Variants in RBM45 observed in about 807,000 individuals in gnomAD.
RBM45 encodes RNA binding motif protein 45.
Under a neutral mutation model 58.5 loss-of-function variants are expected in RBM45, and 39 were observed. The observed-to-expected ratio is 0.67, with a 90% CI of 0.52 to 0.87. The LOEUF is 0.87. RBM45 is among the 40% of genes least tolerant of loss of function. The pLI is 0.00. For missense variants in RBM45, 481 were observed against 581.6 expected (o/e 0.83, Z 1.78); for synonymous variants, 193 against 203.0 (o/e 0.95, Z 0.42).
chr2:178,120,975 T>C (rs1220783696), intron 4 of RBM45: 1 of 382,970 alleles, frequency 2.6e-6, no homozygotes, highest in Non-Finnish European at 4.6e-6. Flanking sequence ...TTTCTTCTTA[T>C]ATTTCTGCAT....
chr2:178,130,641 T>C (rs536066571), downstream of RBM45, among the ~76,000 whole-genome samples: 5 of 152,066 alleles, frequency 3.3e-5, no homozygotes, highest in East Asian at 1.9e-4. Flanking sequence ...ATAAAAAAGG[T>C]ATATCTAAAT....
chr2:178,123,540 A>G lies in RBM45; in HGVS notation c.872A>G (p.Tyr291Cys). The change falls in exon 6 of 10, where the codon TAT becomes TGT. Residue 291 changes from tyrosine (Y) to cysteine (C), a missense_variant. Coordinates refer to ENST00000286070, the MANE Select transcript of RBM45 (RefSeq NM_152945.4). ...ATTTTAGGTCATGGAGTGGTTCAGT[A>G]TTTTAATGTAGCATCAGCTATTTAT... ...YSNYGHGVVQ[Y>C]FNVASAIYAK... 6.3e-7 allele frequency: 1 copy of G among 1,596,008 alleles called. No individual in the cohort carries two copies.
chr2:178,134,473 G>C (rs2088028955), downstream of RBM45, among the ~76,000 whole-genome samples: 1 of 151,712 alleles, frequency 6.6e-6, no homozygotes, highest in South Asian at 2.1e-4. Flanking sequence ...TAATTTTTTT[G>C]CTCATATATT....
chr2:178,112,597 G>C lies in RBM45; in HGVS notation c.51G>C (p.Val17=). ...SASGGGFRPG[V]DSLDEPPNSR... is the part of the protein sequence containing the mutation. ...GCGGCGGGGGCTTCCGCCCGGGCGT[G>C]GACAGCCTGGACGAACCGCCCAACA... The change falls in exon 1 of 10, where the codon GTG becomes GTC. Residue 17 remains valine, a synonymous_variant. Transcript: ENST00000286070. 1 of 1,613,322 alleles carries C rather than the reference G, an allele frequency of 6.2e-7. No individual in the cohort carries two copies. Among genetic ancestry groups the C allele is most frequent in the Non-Finnish European group, 8.5e-7 (1 of 1,179,946 alleles).
At chr2:178,120,484 G>A in intron 4 of RBM45, 75 bp downstream of exon 4, 1 of 1,297,686 alleles carries the variant, frequency 7.7e-7, no homozygotes, top group Non-Finnish European at 1.0e-6. Context: ...AGAATACTCT[G>A]TTATTGGGCA....
exon 4 of RBM45, chr2:178,138,155 A>G (rs1046426880): frequency 3.3e-5 from 5 of 152,204 alleles, no homozygotes; most frequent in Non-Finnish European, 7.3e-5. Context: ...ATGAGTCCAC[A>G]AAGCGAAGAT....
downstream of RBM45, among the ~76,000 whole-genome samples, chr2:178,134,089 G>A (rs1215825973): frequency 6.6e-6 from 1 of 152,136 alleles, no homozygotes; most frequent in Non-Finnish European, 1.5e-5. Context: ...GTAATTATCA[G>A]AGAAAAAGGG....
chr2:178,117,550 T>TA (rs2087792877), intron 2 of RBM45, among the ~76,000 whole-genome samples: 1 of 152,234 alleles, frequency 6.6e-6, no homozygotes, highest in Non-Finnish European at 1.5e-5. Flanking sequence ...ATGTTCCTGT[T>TA]AGAAGACAGA....
At position 178,116,340 on chromosome 2, in the gene RBM45, A is replaced by T. The variant is rs1230119173; in HGVS notation, c.379A>T (p.Ile127Leu). The T allele has an allele frequency of 6.2e-7, 1 of 1,612,774 alleles. No individual in the cohort carries two copies. The highest frequency in any genetic ancestry group is 8.5e-7 in the Non-Finnish European group (1 of 1,179,638). The change falls in exon 2 of 10, where the codon ATA (isoleucine) becomes TTA (leucine). Residue 127 changes from isoleucine to leucine, a missense_variant. Ile to Leu is a conservative substitution (Grantham distance 5). Coordinates refer to ENST00000286070, the MANE Select transcript of RBM45 (RefSeq NM_152945.4). Reference protein sequence around the residue: ...DEELTRIFVMIPKSYTEEDLR... With the variant: ...DEELTRIFVMLPKSYTEEDLR... ...AGAACTTACAAGAATCTTTGTTATG[A>T]TACCAAAGTCCTACACAGAAGAAGA...
chr2:178,120,897 A>G lies in RBM45; in HGVS notation c.674-283A>G, dbSNP rs573555604. ...TGAATGTTATTTGACGTAAACATTC[A>G]GGTAAAATACTTACCATATTTTTCA... On this transcript the variant is annotated intron_variant, in intron 4 of 9. Coordinates refer to ENST00000286070, the MANE Select transcript of RBM45 (RefSeq NM_152945.4). 22 of 251,778 alleles carry G rather than the reference A, an allele frequency of 8.7e-5. No individual in the cohort carries two copies. The South Asian group carries it at 3.0e-3, about 34-fold the overall frequency. 15.6% of individuals were successfully genotyped at this position (251,778 alleles called of 1,614,324 possible).
intron 3 of RBM45, 139 bp downstream of exon 3, chr2:178,118,320 C>T: frequency 2.4e-6 from 2 of 819,048 alleles, no homozygotes; most frequent in East Asian, 2.8e-5. Flanking sequence ...TATTTACAGT[C>T]CAAGGAAGAA....
Position 178,112,556 on chromosome 2 carries a change from G to A in RBM45, c.10G>A (p.Ala4Thr). MDE[A>T]GSSASGGGFR... ...ATTCGGGTGGAGCACCATGGACGAA[G>A]CTGGCAGCTCTGCGAGCGGCGGGGG... The change falls in exon 1 of 10, where the codon GCT (alanine) becomes ACT (threonine). Residue 4 changes from alanine (A) to threonine (T), a missense_variant. Coordinates refer to ENST00000286070, the MANE Select transcript of RBM45 (RefSeq NM_152945.4). The A allele has an allele frequency of 6.2e-7, 1 of 1,613,274 alleles. No homozygotes were observed. Among genetic ancestry groups the A allele is most frequent in the Non-Finnish European group, 8.5e-7 (1 of 1,179,758 alleles).
chr2:178,130,017 G>A (rs1267413763), downstream of RBM45, among the ~76,000 whole-genome samples: 2 of 152,194 alleles, frequency 1.3e-5, no homozygotes, highest in South Asian at 2.1e-4. Context: ...ACCAAAATGT[G>A]TTGGTAATTT....
At chr2:178,133,278 G>A (rs2088019804), downstream of RBM45, among the ~76,000 whole-genome samples, 1 of 152,072 alleles carries the variant, frequency 6.6e-6, no homozygotes, top group African/African-American at 2.4e-5. Flanking sequence ...TGTTTGTAAA[G>A]GATAGTAATT....
chr2:178,120,301 T>G lies in RBM45; in HGVS notation c.565T>G (p.Leu189Val). 1 of 1,612,872 alleles carries G rather than the reference T, an allele frequency of 6.2e-7. No homozygotes were observed. Among genetic ancestry groups the G allele is most frequent in the Non-Finnish European group, 8.5e-7 (1 of 1,179,502 alleles). The change falls in exon 4 of 10, where the codon TTG (leucine) becomes GTG (valine). Residue 189 changes from leucine to valine, a missense_variant. By Grantham distance (32) the Leu-to-Val change is conservative. Transcript: ENST00000286070. ...ENCDRSFRAI[L>V]AEPKNKASES... ...GGTTTTTTCAGGTTTTAGAGCAATC[T>G]TGGCTGAACCTAAAAATAAAGCATC... is the stretch of plus-strand genomic sequence containing the variant.
At chr2:178,114,273 T>G (rs888872061) in intron 1 of RBM45, among the ~76,000 whole-genome samples, 4 of 152,200 alleles carry the variant, frequency 2.6e-5, no homozygotes, top group African/African-American at 7.2e-5. Context: ...CTAATGAATT[T>G]TATCGCTGTC....
At chr2:178,122,786 T>C (rs764696278) in intron 5 of RBM45, among the ~76,000 whole-genome samples, 17 of 152,334 alleles carry the variant, frequency 1.1e-4, no homozygotes, top group Middle Eastern at 6.8e-3. Context: ...CTGTGTTTTA[T>C]TTTAATTTCA....
In RBM45 at chr2:178,121,330, A is replaced by T; in HGVS notation, c.824A>T (p.Glu275Val). 3.8e-6 allele frequency: 6 copies of T among 1,575,738 alleles called. No homozygotes were observed. The highest frequency in any genetic ancestry group is 5.1e-6 in the Non-Finnish European group (6 of 1,166,258). ...FDIVPGLEYC[E>V]VQRDPYSNYG... ...ATAGTACCAGGATTGGAATATTGTG[A>T]AGTTCAACGAGATCCTTATTCAAAT... is the stretch of plus-strand genomic sequence containing the variant. The change falls in exon 5 of 10, where the codon GAA becomes GTA. Residue 275 changes from glutamate (E) to valine (V), a missense_variant. Physicochemically the swap from Glu to Val is moderately radical, Grantham distance 121. Coordinates refer to ENST00000286070, the MANE Select transcript of RBM45 (RefSeq NM_152945.4).
At chr2:178,126,234 T>G in intron 9 of RBM45, 50 bp downstream of exon 9, 1 of 1,255,034 alleles carries the variant, frequency 8.0e-7, no homozygotes, top group Non-Finnish European at 1.1e-6. Flanking sequence ...AAATAGTATA[T>G]GAGGAATATG....
Sources: gnomAD v4.1 joint callset for allele counts (sites outside exome capture counted in the v4.1 genomes callset) on GRCh38, gnomAD v4.1.1 for gene constraint, MANE v1.5 for transcripts, NCBI Gene and HGNC (gene_info 2026-07-23, HGNC 2026-07-21) for gene names.